The following PPA2 variants were observed in gnomAD, a reference collection of about 807,000 sequenced individuals.
PPA2 encodes the protein inorganic pyrophosphatase 2, mitochondrial.
In PPA2, 48 loss-of-function variants were observed where a neutral mutation model predicts 49.5. The ratio of observed to expected loss-of-function variants is 0.97; its 90% CI spans 0.77 to 1.23. The LOEUF (loss-of-function observed/expected upper bound fraction) is 1.23. Among genes scored for constraint, PPA2 ranks in the 50% most tolerant of loss-of-function variants. The probability of loss-of-function intolerance (pLI) is 0.00; values close to 1 mark genes in which losing one functional copy is unlikely to be tolerated. For synonymous variants in PPA2, 131 were observed against 139.9 expected (o/e 0.94, Z 0.45); for missense variants, 429 against 410.1 (o/e 1.05, Z -0.40).
rs192328768 is a variant in PPA2, at chr4:105,473,781, G to A, written c.157+113C>T. 1,246 of 1,450,080 alleles carry A rather than the reference G, an allele frequency of 8.6e-4. 14 individuals carry two copies. In the East Asian group the frequency reaches 0.019, roughly 23 times the overall value. 89.8% of individuals were successfully genotyped at this position (1,450,080 alleles called of 1,614,324 possible). A position where few individuals can be genotyped will look rare whatever the true frequency, so the allele number is the denominator to read the frequency against. On this transcript the variant is annotated intron_variant, in intron 1 of 11. Transcript: ENST00000341695. ...CCTGGACCGCGCGGCTACCGCTGAG[G>A]GCCCCAAAAAGAGAGAAGGGAGACC...
At chr4:105,379,864 C>T (rs558700259) in intron 10 of PPA2, among the ~76,000 whole-genome samples, 3 of 152,080 alleles carry the variant, frequency 2.0e-5, no homozygotes, top group Non-Finnish European at 4.4e-5. Context: ...GAACTCCTGA[C>T]CTCAAGCAAT....
At chr4:105,473,504 TG>T (rs1723617636) in intron 1 of PPA2, 1 of 447,796 alleles carries the variant, frequency 2.2e-6, no homozygotes, top group African/African-American at 2.1e-5. Flanking sequence ...GGGCGGGCTC[TG>T]CCTTCCCTTC....
chr4:105,391,344 C>CAAAAAAAAA (rs11373169), intron 9 of PPA2, among the ~76,000 whole-genome samples: 10 of 102,506 alleles, frequency 9.8e-5, no homozygotes, highest in Non-Finnish European at 1.7e-4. Context: ...CTTAAAGTAA[C>CAAAAAAAAA]AAAAAAAAAA....
At chr4:105,465,502 A>G (rs1169197918) in intron 1 of PPA2, among the ~76,000 whole-genome samples, 3 of 151,512 alleles carry the variant, frequency 2.0e-5, no homozygotes, top group African/African-American at 7.3e-5. Context: ...GATCCCATGC[A>G]TTCACGTTTT....
intron 1 of PPA2, among the ~76,000 whole-genome samples, chr4:105,459,227 T>C (rs113403346): frequency 1.3e-5 from 2 of 152,192 alleles, no homozygotes; most frequent in Non-Finnish European, 2.9e-5. Context: ...ACATAAAACT[T>C]TGGCTATGGT....
intron 10 of PPA2, among the ~76,000 whole-genome samples, chr4:105,380,204 T>C (rs1578796725): frequency 1.6e-5 from 1 of 63,342 alleles, no homozygotes; most frequent in Non-Finnish European, 5.0e-5. Context: ...TTATGCCTAC[T>C]TCTTCTTCAG....
intron 9 of PPA2, among the ~76,000 whole-genome samples, chr4:105,394,624 C>T (rs1199605449): frequency 6.6e-6 from 1 of 151,974 alleles, no homozygotes; most frequent in Admixed American, 6.6e-5. Context: ...TAATGTAATC[C>T]TTATCATTAC....
intron 10 of PPA2, 117 bp downstream of exon 10, chr4:105,386,450 A>T (rs1367240090): frequency 2.5e-6 from 2 of 789,326 alleles, no homozygotes; most frequent in Non-Finnish European, 3.8e-6. Flanking sequence ...GTGATCTGTA[A>T]ACTTTATGCT....
chr4:105,430,679 T>A (rs1723756929), intron 6 of PPA2, among the ~76,000 whole-genome samples: 1 of 151,998 alleles, frequency 6.6e-6, no homozygotes, highest in Non-Finnish European at 1.5e-5. Flanking sequence ...GGCTAACAAA[T>A]CAGAAGACTA....
chr4:105,467,748 G>T (rs1425211034), intron 1 of PPA2, among the ~76,000 whole-genome samples: 1 of 151,986 alleles, frequency 6.6e-6, no homozygotes, highest in African/African-American at 2.4e-5. Flanking sequence ...ATATGCTAAT[G>T]AGTTAGCTGT....
At chr4:105,439,025 A>G (rs1240948623) in intron 5 of PPA2, among the ~76,000 whole-genome samples, 1 of 152,164 alleles carries the variant, frequency 6.6e-6, no homozygotes, top group Non-Finnish European at 1.5e-5. Flanking sequence ...AAAAAAATCA[A>G]TAAATGAAGT....
At chr4:105,408,672 A>C (rs1241166060) in intron 7 of PPA2, among the ~76,000 whole-genome samples, 2 of 152,248 alleles carry the variant, frequency 1.3e-5, no homozygotes, top group African/African-American at 4.8e-5. Context: ...TATGACTAAA[A>C]CACAACTGCA....
At chr4:105,460,098 T>C (rs189200504) in intron 1 of PPA2, among the ~76,000 whole-genome samples, 19 of 152,250 alleles carry the variant, frequency 1.2e-4, no homozygotes, top group Admixed American at 1.2e-3. Flanking sequence ...TAGGAGGAGG[T>C]TAAGAAGACA....
At chr4:105,444,270 G>A (rs964415303) in intron 5 of PPA2, among the ~76,000 whole-genome samples, 10 of 152,198 alleles carry the variant, frequency 6.6e-5, no homozygotes, top group Non-Finnish European at 1.2e-4. Context: ...GGGGAATGCT[G>A]CAAAATGAGG....
chr4:105,421,045 G>C (rs553819760), intron 7 of PPA2, among the ~76,000 whole-genome samples: 1 of 152,274 alleles, frequency 6.6e-6, no homozygotes, highest in East Asian at 1.9e-4. Context: ...TAGGTTGTAA[G>C]GGACAGAAAA....
intron 3 of PPA2, among the ~76,000 whole-genome samples, chr4:105,450,213 C>T (rs1457586547): frequency 1.3e-5 from 2 of 152,082 alleles, no homozygotes; most frequent in Non-Finnish European, 2.9e-5. Context: ...AAGGAAACAA[C>T]GATGGTTTAA....
chr4:105,411,411 C>T (rs1306568067), intron 7 of PPA2, among the ~76,000 whole-genome samples: 1 of 152,098 alleles, frequency 6.6e-6, no homozygotes, highest in Non-Finnish European at 1.5e-5. Context: ...ATTCATAAAG[C>T]AAGTACTTAG....
chr4:105,371,107 C>T (rs1413878718), intron 10 of PPA2, among the ~76,000 whole-genome samples: 1 of 151,998 alleles, frequency 6.6e-6, no homozygotes, highest in Non-Finnish European at 1.5e-5. Context: ...TTATCTTAAC[C>T]CATGGAATCC....
chr4:105,471,522 T>A (rs1267014375), intron 1 of PPA2, among the ~76,000 whole-genome samples: 6 of 152,206 alleles, frequency 3.9e-5, no homozygotes, highest in Admixed American at 3.3e-4. Flanking sequence ...TGATTACACT[T>A]TAGTAACACT....
Sources: allele counts gnomAD v4.1 joint callset (sites outside exome capture counted in the v4.1 genomes callset), GRCh38; gene constraint gnomAD v4.1.1; transcripts MANE v1.5; gene names NCBI Gene and HGNC (gene_info 2026-07-23, HGNC 2026-07-21).